MAGI2: variants seen among roughly 807,000 people sequenced by gnomAD.
MAGI2 encodes the protein membrane-associated guanylate kinase, WW and PDZ domain-containing protein 2.
A neutral mutation model predicts 133.3 loss-of-function variants in MAGI2; 35 were observed. The ratio of observed to expected loss-of-function variants is 0.26; its 90% CI spans 0.20 to 0.35. The LOEUF (loss-of-function observed/expected upper bound fraction) is 0.35. Ranked by LOEUF, MAGI2 falls within the 10% of genes least tolerant of loss-of-function variation. The probability of loss-of-function intolerance (pLI) is 1.00; values close to 1 mark genes in which losing one functional copy is unlikely to be tolerated. For synonymous variants in MAGI2, 729 were observed against 710.6 expected, an observed-to-expected ratio of 1.03 and a Z score of -0.41; for missense variants, 1,636 against 1,863.4, an observed-to-expected ratio of 0.88 and a Z score of 2.25.
intron 2 of MAGI2, among the ~76,000 whole-genome samples, chr7:78,690,569 T>C (rs934828796): frequency 6.6e-6 from 1 of 152,150 alleles, no homozygotes; most frequent in South Asian, 2.1e-4. Context: ...TTCTAGCACA[T>C]TGGGTGAACT....
At chr7:78,432,379 C>G (rs1014103980) in intron 6 of MAGI2, among the ~76,000 whole-genome samples, 1 of 152,014 alleles carries the variant, frequency 6.6e-6, no homozygotes, top group African/African-American at 2.4e-5. Context: ...GATTGTAGTT[C>G]TAACCGTGCT....
intron 2 of MAGI2, among the ~76,000 whole-genome samples, chr7:78,677,780 G>A (rs1244342631): frequency 2.0e-5 from 3 of 152,012 alleles, no homozygotes; most frequent in East Asian, 1.9e-4. Flanking sequence ...ACAACATGGC[G>A]TCCAGTGATA....
chr7:78,672,010 G>A (rs1397878887), intron 2 of MAGI2, among the ~76,000 whole-genome samples: 1 of 152,164 alleles, frequency 6.6e-6, no homozygotes, highest in Non-Finnish European at 1.5e-5. Flanking sequence ...AAAGAGGCAA[G>A]TTTAAGCTTT....
chr7:78,458,824 C>T (rs1005386954), intron 6 of MAGI2, among the ~76,000 whole-genome samples: 2 of 152,036 alleles, frequency 1.3e-5, no homozygotes, highest in African/African-American at 2.4e-5. Context: ...TTAGTAGAGA[C>T]GGTGTTTCTC....
chr7:78,073,752 G>A (rs373945281), intron 21 of MAGI2, among the ~76,000 whole-genome samples: 4 of 152,328 alleles, frequency 2.6e-5, no homozygotes, highest in East Asian at 3.9e-4. Context: ...AAGGCAGGGA[G>A]CTAATCTGTA....
In MAGI2 at chr7:79,391,838, C is replaced by T. The variant is rs1413327018; in HGVS notation, c.301+61182G>A. On this transcript the variant is annotated intron_variant, in intron 1 of 21. Transcript: ENST00000354212. ...AGCTGGGACTACAGGCGCACGCCACCACACCCGGCTAATTTTTTTGTATTT... is the reference window on the plus strand; with the variant it reads ...AGCTGGGACTACAGGCGCACGCCACTACACCCGGCTAATTTTTTTGTATTT... Among the ~76,000 whole-genome samples, 7 of 152,106 alleles carry T rather than the reference C, an allele frequency of 4.6e-5. 1 individual carries two copies. Among genetic ancestry groups the T allele is most frequent in the Admixed American group, 2.6e-4 (4 of 15,282 alleles).
intron 9 of MAGI2, among the ~76,000 whole-genome samples, chr7:78,331,693 C>A (rs948318497): frequency 1.3e-5 from 2 of 152,010 alleles, no homozygotes; most frequent in Admixed American, 1.3e-4. Context: ...TTTCAGAATT[C>A]TTTTTAAAAT....
chr7:79,228,172 C>T lies in MAGI2; in HGVS notation c.302-220966G>A, dbSNP rs554674765. ...TAGCCTGGAAAACACAATGAGACCT[C>T]GTCTCTAGAAAAAAATTAAAAATTA... On this transcript the variant is annotated intron_variant, in intron 1 of 21. Transcript: ENST00000354212. Among the ~76,000 whole-genome samples, 18 of 151,304 alleles carry T rather than the reference C, an allele frequency of 1.2e-4. No individual in the cohort carries two copies. The East Asian group carries it at 3.1e-3, about 26-fold the overall frequency.
intron 2 of MAGI2, among the ~76,000 whole-genome samples, chr7:78,750,271 C>T (rs1823330652): frequency 6.6e-6 from 1 of 152,074 alleles, no homozygotes; most frequent in Non-Finnish European, 1.5e-5. Flanking sequence ...TTTCTTTAAC[C>T]AGTCTATCAT....
chr7:78,082,365 A>C (rs3779314), intron 20 of MAGI2, among the ~76,000 whole-genome samples: 15,697 of 152,084 alleles, frequency 0.1, 1,266 homozygotes, highest in East Asian at 0.43. Context: ...GGGGCTGCGT[A>C]AGGGCTGAGC....
intron 2 of MAGI2, among the ~76,000 whole-genome samples, chr7:78,666,269 G>A (rs1389458043): frequency 6.6e-6 from 1 of 151,634 alleles, no homozygotes; most frequent in African/African-American, 2.4e-5. Flanking sequence ...GCAAATATGG[G>A]GTAGGAAAAA....
At chr7:78,510,857 C>T (rs1313896193) in intron 4 of MAGI2, among the ~76,000 whole-genome samples, 1 of 152,164 alleles carries the variant, frequency 6.6e-6, no homozygotes, top group Non-Finnish European at 1.5e-5. Context: ...AAACGCAGCT[C>T]CCCAATTTTA....
intron 2 of MAGI2, among the ~76,000 whole-genome samples, chr7:78,732,830 G>A (rs912048527): frequency 7.2e-5 from 11 of 151,936 alleles, no homozygotes; most frequent in Admixed American, 3.9e-4. Context: ...AGTTTTTTAG[G>A]GTGTAAAGTA....
chr7:78,287,610 G>A lies in MAGI2; in HGVS notation c.1409-31029C>T, dbSNP rs923773792. ...TTGAGTCATAAAGGAAATCTGTATAGATGACTACTGAATTAATCTTCAAAA... is the reference window on the plus strand; with the variant it reads ...TTGAGTCATAAAGGAAATCTGTATAAATGACTACTGAATTAATCTTCAAAA... On this transcript the variant is annotated intron_variant, in intron 9 of 21. Transcript: ENST00000354212. 1.1e-4 allele frequency among the ~76,000 whole-genome samples: 16 copies of A among 152,108 alleles called. 1 individual carries two copies. Among genetic ancestry groups the A allele is most frequent in the African/African-American group, 3.6e-4 (15 of 41,416 alleles).
intron 2 of MAGI2, among the ~76,000 whole-genome samples, chr7:78,858,403 C>T (rs1385706806): frequency 6.6e-6 from 1 of 152,164 alleles, no homozygotes; most frequent in Non-Finnish European, 1.5e-5. Context: ...CTATAAATTT[C>T]CCTCTACACA....
intron 2 of MAGI2, among the ~76,000 whole-genome samples, chr7:78,947,316 T>C (rs1370052488): frequency 1.3e-5 from 2 of 152,238 alleles, no homozygotes; most frequent in African/African-American, 2.4e-5. Context: ...TTTTCCTCCA[T>C]GTACTAAGTA....
intron 3 of MAGI2, among the ~76,000 whole-genome samples, chr7:78,582,508 T>C (rs947126578): frequency 2.0e-5 from 3 of 152,300 alleles, no homozygotes; most frequent in Admixed American, 6.5e-5. Flanking sequence ...CATAGCAATT[T>C]GCTAGACCAT....
At chr7:78,672,993 C>T (rs954268274) in intron 2 of MAGI2, among the ~76,000 whole-genome samples, 4 of 152,156 alleles carry the variant, frequency 2.6e-5, no homozygotes, top group Non-Finnish European at 5.9e-5. Context: ...TAGCCTTCTT[C>T]TGAAGTATTA....
chr7:78,063,469 TGGCCTCA>T (rs1813491042), intron 21 of MAGI2, among the ~76,000 whole-genome samples: 1 of 152,214 alleles, frequency 6.6e-6, no homozygotes, highest in African/African-American at 2.4e-5. Flanking sequence ...CTCAATCTTT[TGGCCTCA>T]AGCGATCCTC....
Sources: gnomAD v4.1 joint callset for allele counts (sites outside exome capture counted in the v4.1 genomes callset) on GRCh38, gnomAD v4.1.1 for gene constraint, MANE v1.5 for transcripts, NCBI Gene and HGNC (gene_info 2026-07-23, HGNC 2026-07-21) for gene names.